TRPC4: variants seen among roughly 807,000 people sequenced by gnomAD.
TRPC4 encodes transient receptor potential cation channel subfamily C member 4, also known as short transient receptor potential channel 4.
In TRPC4, 49 loss-of-function variants were observed where a neutral mutation model predicts 99.4. The observed-to-expected ratio is 0.49, with a 90% CI of 0.39 to 0.63. The LOEUF (loss-of-function observed/expected upper bound fraction) is 0.63. TRPC4 is among the 20% of genes least tolerant of loss of function. TRPC4 has a pLI of 0.00. For synonymous variants in TRPC4, 454 were observed against 425.9 expected (o/e 1.07, Z -0.81); for missense variants, 898 against 1,152.9 (o/e 0.78, Z 3.20).
chr13:37,762,595 T>C (rs111489316), intron 2 of TRPC4, among the ~76,000 whole-genome samples: 59 of 151,322 alleles, frequency 3.9e-4, no homozygotes, highest in African/African-American at 1.4e-3. Flanking sequence ...GAAATCATCA[T>C]TCTCAGTAAA....
chr13:37,830,419 G>T (rs993921813), intron 1 of TRPC4, among the ~76,000 whole-genome samples: 1 of 151,946 alleles, frequency 6.6e-6, no homozygotes, highest in Non-Finnish European at 1.5e-5. Context: ...TTTTTAAAGA[G>T]AATTGCTTGC....
At chr13:37,788,190 C>A (rs1244855926) in intron 1 of TRPC4, among the ~76,000 whole-genome samples, 1 of 152,114 alleles carries the variant, frequency 6.6e-6, no homozygotes, top group Non-Finnish European at 1.5e-5. Context: ...GAGCTTTCAT[C>A]CATTCCCATT....
intron 4 of TRPC4, among the ~76,000 whole-genome samples, chr13:37,687,979 A>G (rs1953546136): frequency 1.3e-5 from 2 of 152,214 alleles, no homozygotes; most frequent in African/African-American, 4.8e-5. Context: ...ATCCATGATT[A>G]GTTTTCTGCA....
At position 37,651,288 on chromosome 13, in the gene TRPC4, G is replaced by A. The variant is rs1180561552; in HGVS notation, c.2056C>T (p.Pro686Ser). The A allele has an allele frequency of 6.2e-7, 1 of 1,614,012 alleles. No homozygotes were observed. The highest frequency in any genetic ancestry group is 1.7e-5 in the Admixed American group (1 of 60,016). Residue 686 changes from proline to serine, a missense_variant, in exon 8 of 11, where the codon CCA becomes TCA. By Grantham distance (74) the Pro-to-Ser change is moderately conservative (BLOSUM62 -1). Around this residue, in one of 3 missense-constraint regions of TRPC4, gnomAD observed 346 missense variants for 351.4 expected, o/e 0.98. Transcript: ENST00000379705. ...ACCCCTATTGTTCCAAAACTTTCTG[G>A]CTTTCTTCTCATCTTTTTCTTGCAC... ...HLCKKKMRRK[P>S]ESFGTIGRRA... is the part of the protein sequence containing the mutation.
At chr13:37,817,668 A>C (rs1957897093) in intron 1 of TRPC4, among the ~76,000 whole-genome samples, 1 of 151,984 alleles carries the variant, frequency 6.6e-6, no homozygotes, top group African/African-American at 2.4e-5. Context: ...AAAACAGCAT[A>C]GTACTGCTAC....
intron 5 of TRPC4, among the ~76,000 whole-genome samples, chr13:37,670,855 C>T (rs1440508153): frequency 1.3e-5 from 2 of 152,118 alleles, no homozygotes; most frequent in Admixed American, 1.3e-4. Flanking sequence ...CATATTGTGC[C>T]TTTTCTGTCT....
intron 3 of TRPC4, among the ~76,000 whole-genome samples, chr13:37,719,899 CATT>C (rs1954810300): frequency 6.6e-6 from 1 of 151,994 alleles, no homozygotes; most frequent in South Asian, 2.1e-4. Context: ...AATGTTAAAA[CATT>C]ATTCTGTTTT....
At chr13:37,762,188 A>G (rs908537876) in intron 2 of TRPC4, among the ~76,000 whole-genome samples, 4 of 151,788 alleles carry the variant, frequency 2.6e-5, no homozygotes, top group African/African-American at 4.8e-5. Flanking sequence ...ACTGACTTCT[A>G]CAATGGTTGA....
chr13:37,672,551 T>C lies in TRPC4; in HGVS notation c.1374+1677A>G, dbSNP rs1405922930. 2.0e-5 allele frequency among the ~76,000 whole-genome samples: 3 copies of C among 152,296 alleles called. No individual in the cohort carries two copies. The East Asian group carries it at 5.8e-4, about 29-fold the overall frequency. On this transcript the variant is annotated intron_variant, in intron 5 of 10. Transcript: ENST00000379705. ...TATGATTCCTATCCACTTAGAAATTTGAGAAGAACTGGTATTGTGATATAA... is the reference window on the plus strand; with the variant it reads ...TATGATTCCTATCCACTTAGAAATTCGAGAAGAACTGGTATTGTGATATAA...
chr13:37,848,983 C>T (rs958660933), intron 1 of TRPC4, among the ~76,000 whole-genome samples: 1 of 152,068 alleles, frequency 6.6e-6, no homozygotes, highest in Non-Finnish European at 1.5e-5. Flanking sequence ...CAGATGGTAC[C>T]CTACAGCTGT....
intron 1 of TRPC4, among the ~76,000 whole-genome samples, chr13:37,791,847 C>A (rs1957127565): frequency 6.6e-6 from 1 of 151,818 alleles, no homozygotes; most frequent in African/African-American, 2.4e-5. Flanking sequence ...GTTAAAGGAA[C>A]CAGAAAATTT....
chr13:37,802,855 A>C (rs571773760), intron 1 of TRPC4, among the ~76,000 whole-genome samples: 1 of 152,182 alleles, frequency 6.6e-6, no homozygotes, highest in South Asian at 2.1e-4. Context: ...ACATCAGGGG[A>C]TCTTGCCTGC....
chr13:37,812,715 G>A (rs1432498911), intron 1 of TRPC4, among the ~76,000 whole-genome samples: 1 of 152,016 alleles, frequency 6.6e-6, no homozygotes, highest in Non-Finnish European at 1.5e-5. Flanking sequence ...TAATGAAAAA[G>A]ATGTTTTCCA....
chr13:37,769,261 T>C (rs1956479052), intron 2 of TRPC4, among the ~76,000 whole-genome samples: 1 of 151,456 alleles, frequency 6.6e-6, no homozygotes, highest in African/African-American at 2.4e-5. Flanking sequence ...ATTCACCAGG[T>C]GGCAGTCTTT....
intron 8 of TRPC4, among the ~76,000 whole-genome samples, chr13:37,642,840 C>T (rs1291826597): frequency 2.0e-5 from 3 of 151,840 alleles, no homozygotes; most frequent in Admixed American, 1.3e-4. Flanking sequence ...AAGCCATTCC[C>T]CTGCCTCAGC....
chr13:37,637,961 T>C (rs1951585990), intron 10 of TRPC4, among the ~76,000 whole-genome samples: 1 of 152,142 alleles, frequency 6.6e-6, no homozygotes, highest in Admixed American at 6.6e-5. Flanking sequence ...CCAAGTTACC[T>C]CACTGTCTCT....
At chr13:37,651,671 C>T (rs1019730892) in intron 7 of TRPC4, among the ~76,000 whole-genome samples, 3 of 152,152 alleles carry the variant, frequency 2.0e-5, no homozygotes, top group African/African-American at 7.2e-5. Flanking sequence ...CACTTCTCAT[C>T]CTTCCTTCTT....
chr13:37,696,578 T>C (rs1283940576), intron 3 of TRPC4, among the ~76,000 whole-genome samples: 2 of 152,182 alleles, frequency 1.3e-5, no homozygotes, highest in East Asian at 3.9e-4. Context: ...ACTTTATCTA[T>C]CTTGACTGCG....
chr13:37,641,069 C>A (rs1593412732), intron 8 of TRPC4, among the ~76,000 whole-genome samples: 2 of 152,134 alleles, frequency 1.3e-5, no homozygotes, highest in East Asian at 3.9e-4. Context: ...ATGACAGAAT[C>A]AGAAAATTAT....
Sources: allele counts gnomAD v4.1 joint callset (sites outside exome capture counted in the v4.1 genomes callset), GRCh38; gene constraint gnomAD v4.1.1; regional missense constraint gnomAD v4.1.1; transcripts MANE v1.5; gene names NCBI Gene and HGNC (gene_info 2026-07-23, HGNC 2026-07-21).